CEPT1: variants seen among roughly 807,000 people sequenced by gnomAD.
CEPT1 encodes the protein choline/ethanolaminephosphotransferase 1.
In CEPT1, 7 loss-of-function variants were observed where a neutral mutation model predicts 42.6. That is an observed-to-expected ratio of 0.16 (90% CI 0.09 to 0.31). The LOEUF is 0.31. Among genes scored for constraint, CEPT1 ranks in the 10% least tolerant of loss-of-function variants. CEPT1 has a pLI of 1.00. For missense variants in CEPT1, 306 were observed against 502.1 expected (o/e 0.61, Z 3.73); for synonymous variants, 171 against 171.9 (o/e 0.99, Z 0.04).
intron 5 of CEPT1, chr1:111,180,811 T>A (rs1243110282): frequency 6.6e-6 from 1 of 152,222 alleles, no homozygotes; most frequent in Admixed American, 6.5e-5. Flanking sequence ...ATTTGCTATT[T>A]GATTTTAAAA....
At chr1:111,170,902 T>C (rs1446219544) in intron 4 of CEPT1, among the ~76,000 whole-genome samples, 1 of 152,194 alleles carries the variant, frequency 6.6e-6, no homozygotes. Flanking sequence ...ACCAAACTAA[T>C]ATAAACAATT....
At chr1:111,153,471 A>G (rs546078533) in intron 2 of CEPT1, among the ~76,000 whole-genome samples, 13 of 152,314 alleles carry the variant, frequency 8.5e-5, no homozygotes, top group African/African-American at 2.9e-4. Context: ...GATGTGAGCC[A>G]CCACGCCCTG....
At chr1:111,157,631 G>C (rs1286142874) in intron 2 of CEPT1, among the ~76,000 whole-genome samples, 2 of 152,192 alleles carry the variant, frequency 1.3e-5, no homozygotes, top group Admixed American at 6.5e-5. Context: ...TAATTACTCA[G>C]TTCAGTGTGC....
intron 5 of CEPT1, among the ~76,000 whole-genome samples, chr1:111,176,538 AT>A (rs1656686091): frequency 6.6e-6 from 1 of 152,142 alleles, no homozygotes; most frequent in Non-Finnish European, 1.5e-5. Context: ...TTCTGGCTTG[AT>A]TATTGGAAAA....
intron 4 of CEPT1, among the ~76,000 whole-genome samples, chr1:111,164,316 C>T (rs1656021595): frequency 6.6e-6 from 1 of 152,152 alleles, no homozygotes; most frequent in South Asian, 2.1e-4. Flanking sequence ...AATATGAGTG[C>T]CTGTCATGTC....
At chr1:111,178,592 C>T (rs2101394255) in intron 5 of CEPT1, 1 of 151,570 alleles carries the variant, frequency 6.6e-6, no homozygotes, top group South Asian at 2.1e-4. Flanking sequence ...TTTAGAATGC[C>T]TTGGAACTAT....
intron 4 of CEPT1, among the ~76,000 whole-genome samples, chr1:111,164,754 A>G (rs1004758520): frequency 4.6e-5 from 7 of 151,178 alleles, no homozygotes; most frequent in East Asian, 2.0e-4. Context: ...CCGAGTAGCT[A>G]GGACTACAGG....
intron 4 of CEPT1, among the ~76,000 whole-genome samples, chr1:111,174,646 G>T (rs1656586774): frequency 6.6e-6 from 1 of 151,586 alleles, no homozygotes; most frequent in South Asian, 2.1e-4. Context: ...ATTTCCTTTG[G>T]AAAGGAGGGG....
Position 111,147,623 on chromosome 1 carries a change from A to G in CEPT1, c.-73-19A>G. On this transcript the variant is annotated intron_variant, in intron 1 of 8. Coordinates refer to ENST00000357172, the MANE Select transcript of CEPT1 (RefSeq NM_006090.5). ...CCAACAAGTGTATTTTTTAATTTTTATTTTATTTTATTTTTTAGGTAAGCA... is the reference window on the plus strand; with the variant it reads ...CCAACAAGTGTATTTTTTAATTTTTGTTTTATTTTATTTTTTAGGTAAGCA... 2.4e-6 allele frequency: 2 copies of G among 819,662 alleles called. No individual in the cohort carries two copies. The highest frequency in any genetic ancestry group is 3.6e-6 in the Non-Finnish European group (2 of 549,086). 50.8% of individuals were successfully genotyped at this position (819,662 alleles called of 1,614,324 possible).
chr1:111,172,251 G>GT (rs1557937760), intron 4 of CEPT1, among the ~76,000 whole-genome samples: 1 of 152,020 alleles, frequency 6.6e-6, no homozygotes, highest in African/African-American at 2.4e-5. Context: ...GTCTTGAAGG[G>GT]TTTTTTGGTT....
At chr1:111,168,094 G>A (rs1006788761) in intron 4 of CEPT1, among the ~76,000 whole-genome samples, 6 of 151,778 alleles carry the variant, frequency 4.0e-5, no homozygotes, top group Non-Finnish European at 2.9e-5. Context: ...GGATGGTCTT[G>A]AACTTCTGGC....
chr1:111,143,911 G>A (rs1286412783), intron 1 of CEPT1, among the ~76,000 whole-genome samples: 1 of 151,974 alleles, frequency 6.6e-6, no homozygotes, highest in African/African-American at 2.4e-5. Context: ...TAATTTTTTT[G>A]TATAGATGTG....
chr1:111,167,042 G>C, intron 4 of CEPT1: 1 of 783,194 alleles, frequency 1.3e-6, no homozygotes, highest in Non-Finnish European at 1.5e-6. Context: ...ACCTGTGTTA[G>C]TAGGGCTCTT....
At chr1:111,168,904 A>C (rs1271188279) in intron 4 of CEPT1, among the ~76,000 whole-genome samples, 5 of 152,192 alleles carry the variant, frequency 3.3e-5, no homozygotes, top group Non-Finnish European at 7.4e-5. Flanking sequence ...TCTGTGAGGA[A>C]TTGGTTCCAC....
intron 4 of CEPT1, among the ~76,000 whole-genome samples, chr1:111,170,897 A>T (rs142890548): frequency 6.6e-6 from 1 of 152,328 alleles, no homozygotes; most frequent in East Asian, 1.9e-4. Context: ...TGTTAACCAA[A>T]CTAATATAAA....
chr1:111,157,286 A>T (rs1655622126), intron 2 of CEPT1, among the ~76,000 whole-genome samples: 1 of 152,108 alleles, frequency 6.6e-6, no homozygotes, highest in Non-Finnish European at 1.5e-5. Flanking sequence ...CCCCATTAAA[A>T]TCTTAAGCTT....
chr1:111,175,012 C>T, intron 5 of CEPT1, 49 bp downstream of exon 5: 1 of 1,109,118 alleles, frequency 9.0e-7, no homozygotes, highest in Non-Finnish European at 1.4e-6. Flanking sequence ...TTGTCTTTTG[C>T]TTGTGTTTTC....
chr1:111,139,857 T>A (rs1330539181), upstream of CEPT1: 2 of 149,104 alleles, frequency 1.3e-5, no homozygotes, highest in Non-Finnish European at 3.0e-5. Context: ...GCGCCTGGCA[T>A]AAGGTAGCCC....
At chr1:111,178,937 C>G (rs956715096) in intron 5 of CEPT1, 1 of 152,164 alleles carries the variant, frequency 6.6e-6, no homozygotes, top group Non-Finnish European at 1.5e-5. Flanking sequence ...TTTGTAGACA[C>G]TGTAATTATG....
Sources: allele counts gnomAD v4.1 joint callset (sites outside exome capture counted in the v4.1 genomes callset), GRCh38; gene constraint gnomAD v4.1.1; transcripts MANE v1.5; gene names NCBI Gene and HGNC (gene_info 2026-07-23, HGNC 2026-07-21).